The following ADAMTS17 variants were observed in gnomAD, a reference collection of about 807,000 sequenced individuals.
The protein encoded by ADAMTS17 is ADAM metallopeptidase with thrombospondin type 1 motif 17.
Under a neutral mutation model 141.5 loss-of-function variants are expected in ADAMTS17, and 113 were observed. The observed-to-expected ratio is 0.80, with a 90% CI of 0.69 to 0.93. The LOEUF is 0.93. ADAMTS17 is among the 40% of genes least tolerant of loss of function. ADAMTS17 has a pLI of 0.00. For missense variants in ADAMTS17, 1,659 were observed against 1,517.9 expected (o/e 1.09, Z -1.54); for synonymous variants, 768 against 630.6 (o/e 1.22, Z -3.27).
At chr15:100,278,733 C>T (rs556185756) in intron 4 of ADAMTS17, among the ~76,000 whole-genome samples, 1 of 152,190 alleles carries the variant, frequency 6.6e-6, no homozygotes, top group Admixed American at 6.5e-5. Context: ...GATTTGTCCT[C>T]CTAACAAGCA....
At chr15:100,158,512 G>A (rs867648875) in intron 8 of ADAMTS17, among the ~76,000 whole-genome samples, 22 of 152,104 alleles carry the variant, frequency 1.4e-4, no homozygotes, top group Middle Eastern at 3.4e-3. Context: ...ACAGTATTGC[G>A]GACTACAATT....
chr15:100,152,431 A>G (rs913786233), intron 10 of ADAMTS17, among the ~76,000 whole-genome samples, 181 bp downstream of exon 10: 7 of 151,982 alleles, frequency 4.6e-5, no homozygotes, highest in African/African-American at 1.7e-4. Context: ...TGCCTGTGAG[A>G]GTGTGTTTAT....
intron 20 of ADAMTS17, among the ~76,000 whole-genome samples, chr15:99,980,987 G>C (rs2060472246): frequency 6.6e-6 from 1 of 152,232 alleles, no homozygotes; most frequent in South Asian, 2.1e-4. Context: ...CGGCAGCACG[G>C]AACGTTCCAC....
intron 3 of ADAMTS17, among the ~76,000 whole-genome samples, chr15:100,327,711 C>T (rs538847786): frequency 7.2e-5 from 11 of 152,230 alleles, no homozygotes; most frequent in African/African-American, 2.6e-4. Flanking sequence ...TCAAAATATC[C>T]AAGGTACCAT....
At chr15:100,096,047 G>C (rs28469764) in intron 15 of ADAMTS17, among the ~76,000 whole-genome samples, 2 of 151,986 alleles carry the variant, frequency 1.3e-5, no homozygotes, top group East Asian at 3.9e-4. Flanking sequence ...CTCTGCCTGT[G>C]CATCAGAAGG....
Position 99,997,239 on chromosome 15 carries a change from GGA to G in ADAMTS17, c.2796+144_2796+145del. 1 of 882,736 alleles carries G rather than the reference GGA, an allele frequency of 1.1e-6. No homozygotes were observed. The highest frequency in any genetic ancestry group is 1.8e-6 in the Non-Finnish European group (1 of 541,684). 54.7% of individuals were successfully genotyped at this position (882,736 alleles called of 1,614,324 possible). On this transcript the variant is annotated intron_variant, in intron 19 of 21. Coordinates refer to ENST00000268070, the MANE Select transcript of ADAMTS17 (RefSeq NM_139057.4). This position sits in a 1 kb window ranked among gnomAD's most constrained non-coding sequence, Gnocchi z 4.7. ...CCGCAGCCAGGCTGTTATCTGAGATGGAAATTAAGAACACATGAGCTATAACA... is the reference window on the plus strand; with the variant it reads ...CCGCAGCCAGGCTGTTATCTGAGATGAATTAAGAACACATGAGCTATAACA...
At chr15:100,210,396 C>T (rs1272983901) in intron 7 of ADAMTS17, among the ~76,000 whole-genome samples, 2 of 152,106 alleles carry the variant, frequency 1.3e-5, no homozygotes, top group African/African-American at 4.8e-5. Flanking sequence ...TTATCCACAC[C>T]ACCACTTGGT....
At chr15:100,112,321 T>C (rs1269097994) in intron 13 of ADAMTS17, among the ~76,000 whole-genome samples, 3 of 152,054 alleles carry the variant, frequency 2.0e-5, no homozygotes, top group Non-Finnish European at 4.4e-5. Flanking sequence ...ACACTCAGGC[T>C]CCAGAACAGA....
intron 3 of ADAMTS17, among the ~76,000 whole-genome samples, chr15:100,315,365 C>G (rs2045531982): frequency 6.6e-6 from 1 of 152,140 alleles, no homozygotes. Flanking sequence ...GATCAGGGGA[C>G]AGAACAACAC....
chr15:100,315,419 G>A lies in ADAMTS17; in HGVS notation c.616+15470C>T, dbSNP rs192880669. 5.9e-5 allele frequency among the ~76,000 whole-genome samples: 9 copies of A among 152,302 alleles called. No homozygotes were observed. In the East Asian group the frequency reaches 1.5e-3, roughly 26 times the overall value. ...AAGGAGGGTGGCTGTGTGAGGGCAG[G>A]GACATCTGTCTCTTAGGATCTCCAG... On this transcript the variant is annotated intron_variant, in intron 3 of 21. Coordinates refer to ENST00000268070, the MANE Select transcript of ADAMTS17 (RefSeq NM_139057.4).
intron 8 of ADAMTS17, among the ~76,000 whole-genome samples, chr15:100,173,755 T>A (rs1028668644): frequency 2.0e-5 from 3 of 152,192 alleles, no homozygotes; most frequent in Non-Finnish European, 4.4e-5. Flanking sequence ...CTTGGGAAAC[T>A]TTTAACACAC....
intron 14 of ADAMTS17, among the ~76,000 whole-genome samples, chr15:100,100,141 T>C (rs1353273699): frequency 1.3e-5 from 2 of 152,184 alleles, no homozygotes; most frequent in Non-Finnish European, 2.9e-5. Context: ...ACATGTAAGA[T>C]GGAGGGAGAC....
At chr15:99,976,909 C>T (rs560716167) in intron 20 of ADAMTS17, among the ~76,000 whole-genome samples, 7 of 152,292 alleles carry the variant, frequency 4.6e-5, no homozygotes, top group African/African-American at 7.2e-5. Flanking sequence ...TTCCACCGCT[C>T]GCCTCTGCTC....
At chr15:100,190,429 G>A (rs1158799566) in intron 8 of ADAMTS17, among the ~76,000 whole-genome samples, 2 of 152,212 alleles carry the variant, frequency 1.3e-5, no homozygotes, top group South Asian at 2.1e-4. Context: ...TTCCCAGAAC[G>A]TGCCATTGAG....
intron 8 of ADAMTS17, among the ~76,000 whole-genome samples, chr15:100,191,394 T>C (rs2040911948): frequency 6.6e-6 from 1 of 152,240 alleles, no homozygotes; most frequent in South Asian, 2.1e-4. Flanking sequence ...TGCATGTGCC[T>C]GCTTGCTGAC....
chr15:100,186,790 C>T (rs2040734647), intron 8 of ADAMTS17, among the ~76,000 whole-genome samples: 1 of 152,238 alleles, frequency 6.6e-6, no homozygotes, highest in Non-Finnish European at 1.5e-5. Flanking sequence ...CTGCACGATC[C>T]TTGGCTGACT....
At chr15:99,978,218 AGGGCTGTCTGCTCCCAGGG>A (rs1289886540) in intron 20 of ADAMTS17, among the ~76,000 whole-genome samples, 3 of 152,114 alleles carry the variant, frequency 2.0e-5, no homozygotes, top group Non-Finnish European at 4.4e-5. Context: ...TGTGCCTGGG[AGGGCTGTCTGCTCCCAGGG>A]GGGCTTCTGC....
intron 14 of ADAMTS17, among the ~76,000 whole-genome samples, chr15:100,101,394 C>G (rs1360994284): frequency 6.6e-6 from 1 of 152,222 alleles, no homozygotes; most frequent in Non-Finnish European, 1.5e-5. Flanking sequence ...GCCCAGCACA[C>G]AATACAGTGT....
chr15:100,203,528 AC>A (rs1203495086), intron 7 of ADAMTS17, among the ~76,000 whole-genome samples: 7 of 152,256 alleles, frequency 4.6e-5, no homozygotes, highest in African/African-American at 1.7e-4. Context: ...ACATGGTGAA[AC>A]CCCATCTCTA....
Sources: allele counts gnomAD v4.1 joint callset (sites outside exome capture counted in the v4.1 genomes callset), GRCh38; gene constraint gnomAD v4.1.1; non-coding constraint Gnocchi (gnomAD v3.1); transcripts MANE v1.5; gene names NCBI Gene and HGNC (gene_info 2026-07-23, HGNC 2026-07-21).